TBC1D30: variants seen among roughly 807,000 people sequenced by gnomAD.
TBC1D30 encodes the protein TBC1 domain family member 30, also known as TBC1 domain family, member 30.
A neutral mutation model predicts 63.2 loss-of-function variants in TBC1D30; 31 were observed. The observed-to-expected ratio is 0.49, with a 90% CI of 0.37 to 0.66. The LOEUF (loss-of-function observed/expected upper bound fraction) is 0.66. Ranked by LOEUF, TBC1D30 falls within the 30% of genes least tolerant of loss-of-function variation. The probability of loss-of-function intolerance (pLI) is 0.00; values close to 1 mark genes in which losing one functional copy is unlikely to be tolerated. For missense variants in TBC1D30, 810 were observed against 953.6 expected (o/e 0.85, Z 1.98); for synonymous variants, 307 against 361.5 (o/e 0.85, Z 1.71).
In TBC1D30 at chr12:64,824,797, C is replaced by T; in HGVS notation, c.-83C>T. The T allele has an allele frequency of 2.7e-6, 4 of 1,475,368 alleles. No individual in the cohort carries two copies. The South Asian group carries it at 4.0e-5, about 15-fold the overall frequency. 91.4% of individuals were successfully genotyped at this position (1,475,368 alleles called of 1,614,324 possible). On this transcript the variant is annotated 5_prime_UTR_variant, in exon 1 of 12. Coordinates refer to ENST00000539867, the MANE Select transcript of TBC1D30 (RefSeq NM_015279.2). Reference sequence around the variant, plus strand: ...CGGTCAGCCGCAGACACTCACCCAGCTCCGCGAGCTCAGCCGCTCAGCGAG... The same window carrying T: ...CGGTCAGCCGCAGACACTCACCCAGTTCCGCGAGCTCAGCCGCTCAGCGAG...
chr12:64,869,945 T>A (rs1878523442), intron 10 of TBC1D30, among the ~76,000 whole-genome samples: 1 of 152,168 alleles, frequency 6.6e-6, no homozygotes, highest in Non-Finnish European at 1.5e-5. Context: ...AGTCTGTGGG[T>A]TACTCCCACC....
chr12:64,812,487 T>C (rs944415664), intron 2 of TBC1D30, among the ~76,000 whole-genome samples: 6 of 152,226 alleles, frequency 3.9e-5, no homozygotes, highest in African/African-American at 1.4e-4. Context: ...TCCCACGATA[T>C]ATTTGTAAGC....
intron 8 of TBC1D30, among the ~76,000 whole-genome samples, chr12:64,857,174 A>G (rs1232227351): frequency 6.6e-6 from 1 of 152,054 alleles, no homozygotes; most frequent in African/African-American, 2.4e-5. Flanking sequence ...GTCTTTCACC[A>G]TAGCCACCAC....
At chr12:64,763,824 C>T (rs1051297058) in intron 1 of TBC1D30, among the ~76,000 whole-genome samples, 5 of 151,984 alleles carry the variant, frequency 3.3e-5, no homozygotes, top group East Asian at 1.9e-4. Flanking sequence ...GGTCTGGTCT[C>T]GAACTCCTGA....
intron 2 of TBC1D30, among the ~76,000 whole-genome samples, chr12:64,803,707 T>C (rs1872711061): frequency 1.3e-5 from 2 of 152,224 alleles, no homozygotes; most frequent in Non-Finnish European, 2.9e-5. Flanking sequence ...AGTTTCAGCT[T>C]TCTACATATG....
chr12:64,797,261 T>C (rs1437140259), intron 2 of TBC1D30, among the ~76,000 whole-genome samples: 2 of 152,206 alleles, frequency 1.3e-5, no homozygotes, highest in African/African-American at 4.8e-5. Context: ...TAGTGACAGC[T>C]TCCTGAAGAC....
upstream of TBC1D30, among the ~76,000 whole-genome samples, chr12:64,824,366 C>T (rs566923148): frequency 1.3e-5 from 2 of 152,196 alleles, no homozygotes; most frequent in African/African-American, 4.8e-5. Context: ...CTTGCCCTTA[C>T]GGGTGTTCTG....
intron 2 of TBC1D30, among the ~76,000 whole-genome samples, chr12:64,787,002 A>G (rs548335019): frequency 8.5e-5 from 13 of 152,320 alleles, no homozygotes; most frequent in Non-Finnish European, 1.3e-4. Context: ...TCACACAGAC[A>G]TAACCTAAAA....
intron 1 of TBC1D30, among the ~76,000 whole-genome samples, chr12:64,767,273 A>C (rs1009150665): frequency 6.6e-6 from 1 of 152,170 alleles, no homozygotes; most frequent in Admixed American, 6.5e-5. Flanking sequence ...AAAGATTAAC[A>C]AAATTGTCAA....
intron 2 of TBC1D30, among the ~76,000 whole-genome samples, chr12:64,804,850 T>C (rs1592567584): frequency 6.6e-6 from 1 of 151,358 alleles, no homozygotes; most frequent in South Asian, 2.1e-4. Flanking sequence ...AACCCTGTGA[T>C]GTGGGGAGGT....
At chr12:64,775,896 C>G (rs1303823405), upstream of TBC1D30, among the ~76,000 whole-genome samples, 1 of 152,208 alleles carries the variant, frequency 6.6e-6, no homozygotes, top group African/African-American at 2.4e-5. Context: ...CACCTCTCAG[C>G]AAATGCAAAA....
At chr12:64,781,834 C>T (rs985657515) in intron 1 of TBC1D30, among the ~76,000 whole-genome samples, 1 of 151,450 alleles carries the variant, frequency 6.6e-6, no homozygotes, top group African/African-American at 2.4e-5. Flanking sequence ...GCGTACGGTT[C>T]CAGGCAGCTC....
At chr12:64,794,400 A>G (rs748493868) in intron 2 of TBC1D30, among the ~76,000 whole-genome samples, 8 of 148,710 alleles carry the variant, frequency 5.4e-5, no homozygotes, top group Non-Finnish European at 8.9e-5. Flanking sequence ...CTGGGGTTCT[A>G]TTGTTTGGCT....
intron 9 of TBC1D30, 74 bp from the exon 10 acceptor site, chr12:64,866,690 A>T (rs1481195281): frequency 2.9e-6 from 4 of 1,386,300 alleles, no homozygotes; most frequent in Non-Finnish European, 3.9e-6. Flanking sequence ...CATTTAAACC[A>T]TGTAACTGTA....
At chr12:64,795,036 A>G (rs1391880046) in intron 2 of TBC1D30, among the ~76,000 whole-genome samples, 2 of 152,222 alleles carry the variant, frequency 1.3e-5, no homozygotes, top group African/African-American at 4.8e-5. Context: ...AGCTTTCCTT[A>G]GATGTCTGGT....
In TBC1D30 at chr12:64,870,584, C is replaced by T. The variant is rs1878575550; in HGVS notation, c.1292-18C>T. 2 of 1,534,648 alleles carry T rather than the reference C, an allele frequency of 1.3e-6. No individual in the cohort carries two copies. The highest frequency in any genetic ancestry group is 1.4e-5 in the African/African-American group (1 of 73,118). On this transcript the variant is annotated intron_variant, in intron 10 of 11. Transcript: ENST00000539867. ...CCCTCCACCGACCATCTCCTTATGTCTCATCCTTCGAGCGCAGAGCCAAAT... is the reference window on the plus strand; with the variant it reads ...CCCTCCACCGACCATCTCCTTATGTTTCATCCTTCGAGCGCAGAGCCAAAT...
intron 1 of TBC1D30, among the ~76,000 whole-genome samples, chr12:64,765,983 G>C (rs1353553338): frequency 1.3e-5 from 2 of 152,098 alleles, no homozygotes; most frequent in East Asian, 3.8e-4. Context: ...CTGCATTCCA[G>C]CCTGGGTGAC....
intron 8 of TBC1D30, among the ~76,000 whole-genome samples, chr12:64,857,265 G>A (rs548241862): frequency 6.6e-6 from 1 of 152,314 alleles, no homozygotes; most frequent in East Asian, 1.9e-4. Flanking sequence ...GATATTGCTG[G>A]TTGTTATTCA....
At chr12:64,797,398 A>G (rs1872343419) in intron 2 of TBC1D30, among the ~76,000 whole-genome samples, 1 of 152,236 alleles carries the variant, frequency 6.6e-6, no homozygotes, top group African/African-American at 2.4e-5. Context: ...GGTCATCAGC[A>G]TAATGACTCA....
Sources: gnomAD v4.1 joint callset for allele counts (sites outside exome capture counted in the v4.1 genomes callset) on GRCh38, gnomAD v4.1.1 for gene constraint, MANE v1.5 for transcripts, NCBI Gene and HGNC (gene_info 2026-07-23, HGNC 2026-07-21) for gene names.